BNC2: variants seen among roughly 807,000 people sequenced by gnomAD.
BNC2 encodes the protein basonuclin zinc finger protein 2.
Under a neutral mutation model 76.3 loss-of-function variants are expected in BNC2, and 20 were observed. The observed-to-expected ratio is 0.26, with a 90% confidence interval of 0.18 to 0.38. The LOEUF (loss-of-function observed/expected upper bound fraction) is 0.38. Among genes scored for constraint, BNC2 ranks in the 10% least tolerant of loss-of-function variants. The pLI, the probability that BNC2 is intolerant of heterozygous loss-of-function variation, is 1.00. For synonymous variants in BNC2, 582 were observed against 514.8 expected (o/e 1.13, Z -1.77); for missense variants, 1,382 against 1,399.8 (o/e 0.99, Z 0.20).
At chr9:16,834,226 C>G (rs1454938724) in intron 1 of BNC2, among the ~76,000 whole-genome samples, 2 of 151,930 alleles carry the variant, frequency 1.3e-5, no homozygotes, top group African/African-American at 4.8e-5. Context: ...CAAAATAATT[C>G]TGATATTTGT....
chr9:16,671,224 A>G (rs1587298096), intron 3 of BNC2, among the ~76,000 whole-genome samples: 2 of 152,164 alleles, frequency 1.3e-5, no homozygotes, highest in African/African-American at 4.8e-5. Flanking sequence ...CACTCTCTCA[A>G]CTGTTTACAT....
chr9:16,807,634 T>G (rs1817945296), intron 1 of BNC2, among the ~76,000 whole-genome samples: 1 of 152,106 alleles, frequency 6.6e-6, no homozygotes. Context: ...GGGAAGGAAG[T>G]AAAAGAGTGA....
chr9:16,567,275 G>A (rs1819197369), intron 4 of BNC2, among the ~76,000 whole-genome samples: 1 of 152,122 alleles, frequency 6.6e-6, no homozygotes, highest in South Asian at 2.1e-4. Flanking sequence ...TAATATAAAT[G>A]TAAAATGAGC....
chr9:16,855,868 A>T (rs1819242627), intron 1 of BNC2, among the ~76,000 whole-genome samples: 1 of 151,944 alleles, frequency 6.6e-6, no homozygotes, highest in Non-Finnish European at 1.5e-5. Context: ...TATTTTTACC[A>T]AATCAGTACA....
intron 3 of BNC2, among the ~76,000 whole-genome samples, chr9:16,669,463 GCT>G (rs2134161706): frequency 6.6e-6 from 1 of 152,244 alleles, no homozygotes; most frequent in South Asian, 2.1e-4. Flanking sequence ...AACAGTACTG[GCT>G]ATTGTGAATT....
At chr9:16,549,448 G>A (rs1818592309) in intron 5 of BNC2, among the ~76,000 whole-genome samples, 1 of 152,120 alleles carries the variant, frequency 6.6e-6, no homozygotes, top group Admixed American at 6.6e-5. Flanking sequence ...TGCCTTGAGG[G>A]CTACAAGACA....
chr9:16,702,603 G>A (rs1441242874), intron 3 of BNC2, among the ~76,000 whole-genome samples: 1 of 140,406 alleles, frequency 7.1e-6, no homozygotes, highest in Non-Finnish European at 1.6e-5. Context: ...GATAAATGAA[G>A]AACCTAAAAC....
chr9:16,458,965 T>A (rs2131195512), intron 5 of BNC2, among the ~76,000 whole-genome samples: 1 of 152,304 alleles, frequency 6.6e-6, no homozygotes, highest in African/African-American at 2.4e-5. Flanking sequence ...AGCACCCCTG[T>A]TGAGGAGGGA....
intron 5 of BNC2, among the ~76,000 whole-genome samples, chr9:16,535,548 C>T (rs1818105107): frequency 6.6e-6 from 1 of 152,090 alleles, no homozygotes; most frequent in Admixed American, 6.6e-5. Flanking sequence ...ATCCTCCCTG[C>T]CATTACTCTT....
At position 16,545,689 on chromosome 9, in the gene BNC2, C is replaced by T. The variant is rs142906007; in HGVS notation, c.669+6841G>A. On this transcript the variant is annotated intron_variant, in intron 5 of 6. Coordinates refer to ENST00000380672, the MANE Select transcript of BNC2 (RefSeq NM_017637.6). ...TACCTGCCAAGCCCATACATCCTGG[C>T]TCCTCCTCTCAGTCACATGGCCTCA... is the stretch of plus-strand genomic sequence containing the variant. 1.4e-4 allele frequency among the ~76,000 whole-genome samples: 22 copies of T among 152,298 alleles called. No individual in the cohort carries two copies. The East Asian group carries it at 3.5e-3, about 24-fold the overall frequency.
chr9:16,710,029 AACAG>A (rs1187778961), intron 3 of BNC2, among the ~76,000 whole-genome samples: 3 of 152,190 alleles, frequency 2.0e-5, no homozygotes, highest in African/African-American at 7.2e-5. Flanking sequence ...CTGCAACAGA[AACAG>A]ACATTCTCTT....
chr9:16,615,341 C>G (rs1820668640), intron 3 of BNC2, among the ~76,000 whole-genome samples: 1 of 152,084 alleles, frequency 6.6e-6, no homozygotes, highest in African/African-American at 2.4e-5. Context: ...AAATATGGCA[C>G]CTTGACATAC....
chr9:16,465,029 A>G (rs1228754380), intron 5 of BNC2, among the ~76,000 whole-genome samples: 3 of 152,220 alleles, frequency 2.0e-5, no homozygotes, highest in Non-Finnish European at 2.9e-5. Flanking sequence ...TCTCTTGCCC[A>G]AAGTTCTGTA....
At chr9:16,636,073 A>G (rs948162002) in intron 3 of BNC2, among the ~76,000 whole-genome samples, 2 of 152,208 alleles carry the variant, frequency 1.3e-5, no homozygotes, top group African/African-American at 2.4e-5. Context: ...TGGCAAAATA[A>G]TCTTAGGAAT....
intron 3 of BNC2, among the ~76,000 whole-genome samples, chr9:16,616,120 C>G (rs1472864285): frequency 6.6e-6 from 1 of 152,198 alleles, no homozygotes; most frequent in East Asian, 1.9e-4. Context: ...GGCATGGTAG[C>G]TCACACCTAT....
chr9:16,814,896 GATA>G (rs769294388), intron 1 of BNC2, among the ~76,000 whole-genome samples: 3 of 152,094 alleles, frequency 2.0e-5, no homozygotes, highest in Non-Finnish European at 2.9e-5. Flanking sequence ...ACTCAAGAGA[GATA>G]ATGTTATTCA....
rs1554702315 is a variant in BNC2, at chr9:16,665,386, A to AAAAGAGAG, written c.330+62410_330+62411insCTCTCTTT. On this transcript the variant is annotated intron_variant, in intron 3 of 6. Coordinates refer to ENST00000380672, the MANE Select transcript of BNC2 (RefSeq NM_017637.6). ...CCTCTGTCTCAAAAAAAAAAAAAAA[A>AAAAGAGAG]AGAGAGAGAGAGAGAGAAAGAGAGA... is the stretch of plus-strand genomic sequence containing the variant. 5.0e-4 allele frequency among the ~76,000 whole-genome samples: 42 copies of AAAAGAGAG among 84,286 alleles called. 3 individuals are homozygous for AAAAGAGAG. Among genetic ancestry groups the AAAAGAGAG allele is most frequent in the Middle Eastern group, 7.9e-3 (1 of 126 alleles). The allele number at this position is 84,286 out of a possible 152,430, so 55.3% of individuals were successfully genotyped here. A position where few individuals can be genotyped will look rare whatever the true frequency, so the allele number is the denominator to read the frequency against.
intron 5 of BNC2, among the ~76,000 whole-genome samples, chr9:16,463,221 GACA>G (rs1356469396): frequency 6.6e-6 from 1 of 151,428 alleles, no homozygotes; most frequent in Non-Finnish European, 1.5e-5. Context: ...AGCACGTTCT[GACA>G]ACATTTTGGA....
intron 2 of BNC2, among the ~76,000 whole-genome samples, chr9:16,732,178 C>CAA (rs1824526655): frequency 3.1e-5 from 1 of 32,310 alleles, no homozygotes; most frequent in Non-Finnish European, 7.1e-5. Context: ...GAAAAAGAAA[C>CAA]AAAAAAGAAA....
Sources: gnomAD v4.1 joint callset for allele counts (sites outside exome capture counted in the v4.1 genomes callset) on GRCh38, gnomAD v4.1.1 for gene constraint, MANE v1.5 for transcripts, NCBI Gene and HGNC (gene_info 2026-07-23, HGNC 2026-07-21) for gene names.